STARD13: variants seen among roughly 807,000 people sequenced by gnomAD.
STARD13 encodes stAR-related lipid transfer protein 13.
STARD13 carries 62 observed loss-of-function variants against 106.4 expected under a neutral mutation model. That is an observed-to-expected ratio of 0.58 (90% CI 0.48 to 0.72). The LOEUF (loss-of-function observed/expected upper bound fraction) is 0.72. STARD13 is among the 30% of genes least tolerant of loss of function. The probability of loss-of-function intolerance (pLI) is 0.00; values close to 1 mark genes in which losing one functional copy is unlikely to be tolerated. For missense variants in STARD13, 1,387 were observed against 1,424.0 expected (o/e 0.97, Z 0.42); for synonymous variants, 565 against 553.0 (o/e 1.02, Z -0.31).
the STARD13 span, among the ~76,000 whole-genome samples, chr13:33,558,665 A>C: frequency 6.1e-5 from 9 of 147,018 alleles, no homozygotes; most frequent in African/African-American, 2.5e-4. Flanking sequence ...CTCAGAAGCT[A>C]ATGTTTCACT....
At chr13:33,351,202 G>T (rs564176824), upstream of STARD13, among the ~76,000 whole-genome samples, 8 of 152,076 alleles carry the variant, frequency 5.3e-5, no homozygotes, top group Non-Finnish European at 1.2e-4. Context: ...ATTATGAGGA[G>T]AAAAATAACT....
At chr13:33,449,154 T>A in the STARD13 span, among the ~76,000 whole-genome samples, 1 of 152,182 alleles carries the variant, frequency 6.6e-6, no homozygotes, top group African/African-American at 2.4e-5. Flanking sequence ...TTGAAGTTTT[T>A]ATCCAAAAAA....
the STARD13 span, among the ~76,000 whole-genome samples, chr13:33,651,407 C>T: frequency 6.6e-5 from 10 of 152,140 alleles, no homozygotes; most frequent in East Asian, 3.8e-4. Context: ...CATAAACTAG[C>T]GTGATCATCA....
the STARD13 span, among the ~76,000 whole-genome samples, chr13:33,550,753 C>G: frequency 2.0e-5 from 3 of 152,190 alleles, no homozygotes; most frequent in Admixed American, 6.5e-5. Flanking sequence ...ACTGATGGTT[C>G]CATTCTTTCA....
chr13:33,546,910 T>C, the STARD13 span, among the ~76,000 whole-genome samples: 1 of 151,852 alleles, frequency 6.6e-6, no homozygotes, highest in South Asian at 2.1e-4. Context: ...TGAGAGATAC[T>C]TTTTTTTGGA....
At chr13:33,288,454 T>G (rs1039557467), upstream of STARD13, among the ~76,000 whole-genome samples, 3 of 151,786 alleles carry the variant, frequency 2.0e-5, no homozygotes, top group African/African-American at 7.3e-5. Flanking sequence ...AAAAAAAAGT[T>G]GTAGAGATGG....
chr13:33,499,917 G>A, the STARD13 span, among the ~76,000 whole-genome samples: 1 of 151,396 alleles, frequency 6.6e-6, no homozygotes, highest in Non-Finnish European at 1.5e-5. Context: ...GGCACCTGCT[G>A]CTGTGCCCAG....
chr13:33,451,719 T>C, the STARD13 span, among the ~76,000 whole-genome samples: 1 of 152,204 alleles, frequency 6.6e-6, no homozygotes, highest in Non-Finnish European at 1.5e-5. Context: ...AGTGTGGTTA[T>C]ACCGAGAATA....
intron 1 of STARD13, among the ~76,000 whole-genome samples, chr13:33,202,447 A>G (rs754332654): frequency 1.1e-4 from 17 of 152,220 alleles, no homozygotes; most frequent in Non-Finnish European, 1.8e-4. Flanking sequence ...TGACTTTCTC[A>G]TTCACTTGAC....
At chr13:33,343,073 A>C (rs1394495258) in intron 1 of STARD13, among the ~76,000 whole-genome samples, 1 of 152,042 alleles carries the variant, frequency 6.6e-6, no homozygotes. Context: ...TATGCATCCA[A>C]TTCCTTGACT....
chr13:33,535,785 C>T, the STARD13 span, among the ~76,000 whole-genome samples: 1 of 152,198 alleles, frequency 6.6e-6, no homozygotes, highest in African/African-American at 2.4e-5. Context: ...ACTTTGCCCC[C>T]TTATTGATGG....
the STARD13 span, among the ~76,000 whole-genome samples, chr13:33,643,614 C>T: frequency 6.6e-6 from 1 of 152,260 alleles, no homozygotes; most frequent in African/African-American, 2.4e-5. Flanking sequence ...GTCAGGAACT[C>T]TCCTGTCGCA....
chr13:33,589,348 A>G, the STARD13 span, among the ~76,000 whole-genome samples: 1 of 151,946 alleles, frequency 6.6e-6, no homozygotes, highest in Non-Finnish European at 1.5e-5. Context: ...TAGCTTTTGA[A>G]TGTGTTTACT....
At chr13:33,219,243 T>G (rs557115255) in intron 1 of STARD13, among the ~76,000 whole-genome samples, 1 of 152,072 alleles carries the variant, frequency 6.6e-6, no homozygotes, top group African/African-American at 2.4e-5. Flanking sequence ...CCAATCTTTC[T>G]TTGATGTGTG....
the STARD13 span, among the ~76,000 whole-genome samples, chr13:33,502,732 A>C: frequency 6.6e-6 from 1 of 152,230 alleles, no homozygotes; most frequent in Non-Finnish European, 1.5e-5. Context: ...GCAGTGATGA[A>C]GCCAACTTGA....
intron 1 of STARD13, among the ~76,000 whole-genome samples, chr13:33,227,284 A>G (rs993982890): frequency 1.3e-5 from 2 of 152,240 alleles, no homozygotes; most frequent in African/African-American, 4.8e-5. Context: ...GACTCATCAG[A>G]ATCTCAATGT....
At chr13:33,208,210 A>G (rs767535907) in intron 1 of STARD13, among the ~76,000 whole-genome samples, 8 of 152,194 alleles carry the variant, frequency 5.3e-5, no homozygotes, top group Non-Finnish European at 1.2e-4. Context: ...CACCTAAAGC[A>G]GGATATGAGG....
chr13:33,137,114 T>C (rs1879162132), intron 4 of STARD13, among the ~76,000 whole-genome samples: 1 of 152,268 alleles, frequency 6.6e-6, no homozygotes, highest in African/African-American at 2.4e-5. Flanking sequence ...ACATTAAGCC[T>C]TGTATTTTCT....
the STARD13 span, among the ~76,000 whole-genome samples, chr13:33,356,629 G>C: frequency 6.6e-6 from 1 of 152,160 alleles, no homozygotes; most frequent in African/African-American, 2.4e-5. Context: ...TAGGATTTTT[G>C]GCAAGGATCA....
Sources: allele counts gnomAD v4.1 joint callset (sites outside exome capture counted in the v4.1 genomes callset), GRCh38; gene constraint gnomAD v4.1.1; transcripts MANE v1.5; gene names NCBI Gene and HGNC (gene_info 2026-07-23, HGNC 2026-07-21).